CCDC138: variants seen among roughly 807,000 people sequenced by gnomAD.
CCDC138 encodes coiled-coil domain containing 138, also known as coiled-coil domain-containing protein 138.
A neutral mutation model predicts 82.3 loss-of-function variants in CCDC138; 66 were observed. The observed-to-expected ratio is 0.80, with a 90% CI of 0.66 to 0.98. The LOEUF is 0.98. Among genes scored for constraint, CCDC138 ranks in the 50% least tolerant of loss-of-function variants. The probability of loss-of-function intolerance (pLI) is 0.00; values close to 1 mark genes in which losing one functional copy is unlikely to be tolerated. For missense variants in CCDC138, 816 were observed against 758.9 expected (o/e 1.08, Z -0.88); for synonymous variants, 297 against 265.4 (o/e 1.12, Z -1.16).
intron 10 of CCDC138, among the ~76,000 whole-genome samples, chr2:108,829,240 G>A (rs545548918): frequency 6.6e-6 from 1 of 152,184 alleles, no homozygotes; most frequent in South Asian, 2.1e-4. Context: ...TCTGACAAGC[G>A]ATTGCTACCC....
chr2:108,799,864 T>A (rs1681600334), intron 6 of CCDC138, among the ~76,000 whole-genome samples: 1 of 152,180 alleles, frequency 6.6e-6, no homozygotes, highest in South Asian at 2.1e-4. Flanking sequence ...TAAAGTTCAT[T>A]ATTTCTTTTT....
downstream of CCDC138, among the ~76,000 whole-genome samples, chr2:108,881,145 C>G (rs1170433065): frequency 6.6e-6 from 1 of 152,230 alleles, no homozygotes; most frequent in African/African-American, 2.4e-5. Flanking sequence ...CATTGAAAAT[C>G]TGTTGTGTAG....
chr2:108,870,443 A>G (rs1412734627), intron 13 of CCDC138, among the ~76,000 whole-genome samples: 1 of 152,222 alleles, frequency 6.6e-6, no homozygotes, highest in African/African-American at 2.4e-5. Flanking sequence ...AAGATAATTT[A>G]GAGAAATAAT....
rs772073807 is a variant in CCDC138, at chr2:108,788,940, C to G, written c.240C>G (p.Ser80Arg). ...AGCATTGTAGAACACCATTGGGCAGCTTATTCAAGCACGTAAATGTGAATT... is the reference window on the plus strand; with the variant it reads ...AGCATTGTAGAACACCATTGGGCAGGTTATTCAAGCACGTAAATGTGAATT... ...ESKHCRTPLG[S>R]LFKHVNVNCL... is the part of the protein sequence containing the mutation. Residue 80 changes from serine (S) to arginine (R), a missense_variant, in exon 3 of 15, where the codon AGC (serine) becomes AGG (arginine). Coordinates refer to ENST00000295124, the MANE Select transcript of CCDC138 (RefSeq NM_144978.3). The G allele has an allele frequency of 1.9e-6, 3 of 1,614,004 alleles. No individual in the cohort carries two copies. Among genetic ancestry groups the G allele is most frequent in the Non-Finnish European group, 2.5e-6 (3 of 1,179,942 alleles).
chr2:108,878,072 A>G (rs530900690), downstream of CCDC138, among the ~76,000 whole-genome samples: 198 of 152,344 alleles, frequency 1.3e-3, no homozygotes, highest in African/African-American at 4.6e-3. Context: ...ACTATTCTGG[A>G]GAAAGAAATG....
chr2:108,788,765 A>T (rs1679396768), intron 2 of CCDC138, 87 bp from the exon 3 acceptor site: 1 of 1,502,190 alleles, frequency 6.7e-7, no homozygotes, highest in Admixed American at 2.3e-5. Flanking sequence ...GATTTTAAAA[A>T]TAGTATTATT....
chr2:108,802,898 T>C (rs1163386953), intron 6 of CCDC138, among the ~76,000 whole-genome samples: 1 of 152,240 alleles, frequency 6.6e-6, no homozygotes, highest in East Asian at 1.9e-4. Context: ...CACGTGGTTT[T>C]TGTCTTTGGC....
chr2:108,820,468 T>TAGGCATAC (rs796441524), intron 10 of CCDC138, among the ~76,000 whole-genome samples: 91 of 151,996 alleles, frequency 6.0e-4, no homozygotes, highest in African/African-American at 2.1e-3. Flanking sequence ...AGGAAAGAAA[T>TAGGCATAC]AGGCATACAA....
intron 10 of CCDC138, among the ~76,000 whole-genome samples, chr2:108,837,795 TGGG>T (rs560218946): frequency 3.2e-4 from 48 of 152,334 alleles, no homozygotes; most frequent in South Asian, 2.3e-3. Context: ...ATTAAAAAGT[TGGG>T]GGGAGAAGTT....
At chr2:108,795,550 G>A (rs1291507982) in intron 5 of CCDC138, among the ~76,000 whole-genome samples, 6 of 152,184 alleles carry the variant, frequency 3.9e-5, no homozygotes, top group East Asian at 3.8e-4. Flanking sequence ...AATTCTTCCC[G>A]TTGGAAACAC....
chr2:108,811,593 C>T (rs1368718836), intron 7 of CCDC138, among the ~76,000 whole-genome samples: 1 of 151,730 alleles, frequency 6.6e-6, no homozygotes, highest in Non-Finnish European at 1.5e-5. Flanking sequence ...TTTATTTTTT[C>T]AAAAAGCCAC....
chr2:108,806,032 G>T (rs1338989793), intron 7 of CCDC138, among the ~76,000 whole-genome samples: 1 of 152,070 alleles, frequency 6.6e-6, no homozygotes, highest in East Asian at 1.9e-4. Context: ...TTTGCCAGCT[G>T]TCCTTTTCTG....
intron 7 of CCDC138, among the ~76,000 whole-genome samples, chr2:108,807,382 A>G (rs1159831907): frequency 6.6e-6 from 1 of 152,192 alleles, no homozygotes; most frequent in Non-Finnish European, 1.5e-5. Flanking sequence ...TTTTAAAATT[A>G]TTTTTAATTG....
At chr2:108,857,564 A>G (rs1209584106) in intron 13 of CCDC138, among the ~76,000 whole-genome samples, 1 of 152,060 alleles carries the variant, frequency 6.6e-6, no homozygotes, top group Non-Finnish European at 1.5e-5. Context: ...TTCCAGGTTT[A>G]TTTTCTTCTC....
intron 7 of CCDC138, among the ~76,000 whole-genome samples, chr2:108,810,355 G>T (rs1215484029): frequency 1.3e-5 from 2 of 152,162 alleles, no homozygotes; most frequent in Non-Finnish European, 2.9e-5. Context: ...ACTGTGAAGA[G>T]ATGTTGTTGA....
rs752809632 is a variant in CCDC138 at position 108,804,982 on chromosome 2, G to T, written c.829G>T (p.Glu277Ter). 1.9e-6 allele frequency: 3 copies of T among 1,551,912 alleles called. No homozygotes were observed. Among genetic ancestry groups the T allele is most frequent in the Non-Finnish European group, 1.7e-6 (2 of 1,155,044 alleles). The part of the protein sequence containing the change: ...RLRSSFDALK[E>*]LNDTLKKQLN... ...GAGGTCCTCTTTTGATGCATTGAAAGAATTGAATGATACCTTAAAAAAACA... is the reference window on the plus strand; with the variant it reads ...GAGGTCCTCTTTTGATGCATTGAAATAATTGAATGATACCTTAAAAAAACA... The change falls in exon 7 of 15, where the codon GAA becomes TAA. Residue 277 changes from glutamate (E) to a stop codon, truncating the protein, a stop_gained. Transcript: ENST00000295124. LOFTEE classifies it high-confidence loss of function.
intron 3 of CCDC138, among the ~76,000 whole-genome samples, chr2:108,790,760 G>A (rs747385799): frequency 3.3e-5 from 5 of 152,138 alleles, no homozygotes; most frequent in Non-Finnish European, 7.4e-5. Flanking sequence ...TTGTGTGGGT[G>A]TATGTGGGTT....
chr2:108,824,213 T>G (rs535063086), intron 10 of CCDC138, among the ~76,000 whole-genome samples: 1 of 152,360 alleles, frequency 6.6e-6, no homozygotes, highest in South Asian at 2.1e-4. Flanking sequence ...ACTGTAATCT[T>G]TTTACTTTAT....
intron 13 of CCDC138, among the ~76,000 whole-genome samples, chr2:108,864,785 C>A (rs1694159850): frequency 8.2e-6 from 1 of 121,530 alleles, no homozygotes; most frequent in East Asian, 2.5e-4. Flanking sequence ...CAGAGCGAGA[C>A]TCCATCTCAA....
Sources: allele counts gnomAD v4.1 joint callset (sites outside exome capture counted in the v4.1 genomes callset), GRCh38; gene constraint gnomAD v4.1.1; transcripts MANE v1.5; gene names NCBI Gene and HGNC (gene_info 2026-07-23, HGNC 2026-07-21).